RARB: variants seen among roughly 807,000 people sequenced by gnomAD.
RARB encodes the protein HBV-activated protein.
RARB carries 17 observed loss-of-function variants against 51.9 expected under a neutral mutation model. That is an observed-to-expected ratio of 0.33 (90% CI 0.22 to 0.49). RARB has a LOEUF of 0.49. Ranked by LOEUF, RARB falls within the 20% of genes least tolerant of loss-of-function variation. RARB has a pLI of 0.99. For missense variants in RARB, 369 were observed against 550.8 expected (o/e 0.67, Z 3.30); for synonymous variants, 215 against 195.4 (o/e 1.10, Z -0.84).
At chr3:25,049,192 T>C (rs1048004280) in intron 2 of RARB, among the ~76,000 whole-genome samples, 1 of 152,162 alleles carries the variant, frequency 6.6e-6, no homozygotes, top group Non-Finnish European at 1.5e-5. Flanking sequence ...AGTGAGACAT[T>C]TTAGGGATGC....
At chr3:24,914,064 A>C (rs536916707) in intron 2 of RARB, among the ~76,000 whole-genome samples, 1 of 152,334 alleles carries the variant, frequency 6.6e-6, no homozygotes, top group South Asian at 2.1e-4. Context: ...ACATGAAATC[A>C]TGTTGTCTGT....
intron 4 of RARB, 33 bp downstream of exon 4, chr3:25,569,951 G>T: frequency 6.2e-6 from 10 of 1,600,760 alleles, no homozygotes; most frequent in Non-Finnish European, 8.5e-6. Context: ...GCTGCTGGGA[G>T]TGTGGAAACC....
intron 2 of RARB, among the ~76,000 whole-genome samples, chr3:24,906,880 C>T (rs1041724115): frequency 4.0e-5 from 6 of 150,280 alleles, no homozygotes; most frequent in African/African-American, 1.5e-4. Context: ...AAAAACCCCC[C>T]ACTAATCATA....
intron 2 of RARB, among the ~76,000 whole-genome samples, chr3:25,048,865 C>A (rs1698269967): frequency 6.7e-6 from 1 of 150,090 alleles, no homozygotes; most frequent in Admixed American, 6.7e-5. Flanking sequence ...TCGCCATTCT[C>A]CTGCCTCAGC....
chr3:24,860,718 G>A (rs1575039988), intron 2 of RARB, among the ~76,000 whole-genome samples: 1 of 152,088 alleles, frequency 6.6e-6, no homozygotes, highest in South Asian at 2.1e-4. Flanking sequence ...TACCCCCTAA[G>A]TATGTTGAAA....
At chr3:24,966,961 C>G (rs1345391625) in intron 2 of RARB, among the ~76,000 whole-genome samples, 2 of 152,116 alleles carry the variant, frequency 1.3e-5, no homozygotes, top group African/African-American at 4.8e-5. Flanking sequence ...TCCTGGAAAG[C>G]TTTCTATCAT....
At chr3:24,982,099 G>T (rs909417233) in intron 2 of RARB, among the ~76,000 whole-genome samples, 2 of 152,206 alleles carry the variant, frequency 1.3e-5, no homozygotes, top group Non-Finnish European at 2.9e-5. Flanking sequence ...CCTCATCACT[G>T]CATGCCCTGC....
At chr3:24,984,288 T>A (rs1696739695) in intron 2 of RARB, among the ~76,000 whole-genome samples, 1 of 152,172 alleles carries the variant, frequency 6.6e-6, no homozygotes, top group Non-Finnish European at 1.5e-5. Context: ...CATAAAACTA[T>A]ATTAGATACT....
In RARB at chr3:24,989,601, G is replaced by C. The variant is rs1156426874; in HGVS notation, c.-379-70524G>C. 1.9e-5 allele frequency among the ~76,000 whole-genome samples: 2 copies of C among 105,648 alleles called. 1 individual carries two copies. The highest frequency in any genetic ancestry group is 3.8e-5 in the Non-Finnish European group (2 of 52,770). 69.3% of individuals were successfully genotyped at this position (105,648 alleles called of 152,430 possible). A position where few individuals can be genotyped will look rare whatever the true frequency, so the allele number is the denominator to read the frequency against. On this transcript the variant is annotated intron_variant, in intron 2 of 11. Transcript: ENST00000383772. Reference sequence around the variant, plus strand: ...TTTCTGATTATTAGTGAAGTTGAGCGTCATTTTTTAACCAGATTATCTCAT... The same window carrying C: ...TTTCTGATTATTAGTGAAGTTGAGCCTCATTTTTTAACCAGATTATCTCAT...
intron 2 of RARB, among the ~76,000 whole-genome samples, chr3:24,934,462 T>C (rs937618255): frequency 6.6e-6 from 1 of 152,142 alleles, no homozygotes; most frequent in African/African-American, 2.4e-5. Context: ...TGAGGGATCA[T>C]ACCACACACT....
In RARB at chr3:25,553,154, C is replaced by CT. The variant is rs10710993; in HGVS notation, c.449-16590dup. 1.2e-3 allele frequency among the ~76,000 whole-genome samples: 163 copies of CT among 140,642 alleles called. No individual in the cohort carries two copies. In the East Asian group the frequency reaches 0.012, roughly 10 times the overall value. 92.3% of individuals were successfully genotyped at this position (140,642 alleles called of 152,430 possible). A position where few individuals can be genotyped will look rare whatever the true frequency, so the allele number is the denominator to read the frequency against. ...ATGATTTTTTTCCTGCCATCTTTTGCTTTTTTTTTTTTTTGAAAGATTTGA... is the reference window on the plus strand; with the variant it reads ...ATGATTTTTTTCCTGCCATCTTTTGCTTTTTTTTTTTTTTTGAAAGATTTGA... On this transcript the variant is annotated intron_variant, in intron 3 of 7. Transcript: ENST00000330688.
intron 5 of RARB, among the ~76,000 whole-genome samples, chr3:25,210,725 GGGT>G (rs1434050725): frequency 6.6e-6 from 1 of 151,140 alleles, no homozygotes; most frequent in Non-Finnish European, 1.5e-5. Flanking sequence ...ATTGGAGAAG[GGGT>G]TTCATCACAT....
intron 2 of RARB, among the ~76,000 whole-genome samples, chr3:24,862,384 G>A (rs1702768778): frequency 6.6e-6 from 1 of 152,160 alleles, no homozygotes. Context: ...ATTACCTGGT[G>A]AGGAAGTACA....
At chr3:24,840,405 T>C (rs1456578589) in intron 1 of RARB, among the ~76,000 whole-genome samples, 1 of 152,168 alleles carries the variant, frequency 6.6e-6, no homozygotes, top group Non-Finnish European at 1.5e-5. Flanking sequence ...CCCCCTTAGC[T>C]GAGGTGGATG....
At chr3:25,537,416 CTGTT>C (rs575811626) in intron 3 of RARB, among the ~76,000 whole-genome samples, 72 of 152,324 alleles carry the variant, frequency 4.7e-4, no homozygotes, top group East Asian at 4.0e-3. Flanking sequence ...GTGCTGCACT[CTGTT>C]TGCGTGCACA....
rs551687321 is a variant in RARB, at chr3:25,402,896, G to A, written c.179-58297G>A. Among the ~76,000 whole-genome samples the A allele has an allele frequency of 2.6e-5, 4 of 152,252 alleles. No homozygotes were observed. In the South Asian group the frequency reaches 8.3e-4, roughly 32 times the overall value. The stretch of plus-strand genomic sequence containing the variant: ...AAGAATGAATAAAGCCAAGCGTGGT[G>A]GCTCACGCCTGTAATCCCAGCACTT... On this transcript the variant is annotated intron_variant, in intron 5 of 11. Transcript: ENST00000383772.
intron 2 of RARB, among the ~76,000 whole-genome samples, chr3:25,036,094 T>C (rs571804735): frequency 6.6e-6 from 1 of 152,344 alleles, no homozygotes; most frequent in Admixed American, 6.5e-5. Context: ...TTATTTTTTT[T>C]ATTTCTGCCT....
At chr3:25,309,767 T>A (rs1018861800) in intron 5 of RARB, among the ~76,000 whole-genome samples, 3 of 152,062 alleles carry the variant, frequency 2.0e-5, no homozygotes, top group Non-Finnish European at 2.9e-5. Context: ...AGTGCTGGGA[T>A]TTCAGGGATG....
intron 5 of RARB, among the ~76,000 whole-genome samples, chr3:25,193,033 T>A (rs941438610): frequency 6.6e-6 from 1 of 152,074 alleles, no homozygotes; most frequent in South Asian, 2.1e-4. Context: ...AGGCAAACTT[T>A]CATTCACTGT....
Sources: allele counts gnomAD v4.1 joint callset (sites outside exome capture counted in the v4.1 genomes callset), GRCh38; gene constraint gnomAD v4.1.1; transcripts MANE v1.5; gene names NCBI Gene and HGNC (gene_info 2026-07-23, HGNC 2026-07-21).